The following DLG1 variants were observed in gnomAD, a reference collection of about 807,000 sequenced individuals.
DLG1 encodes discs large MAGUK scaffold protein 1.
Under a neutral mutation model 123.4 loss-of-function variants are expected in DLG1, and 42 were observed. The ratio of observed to expected loss-of-function variants is 0.34; its 90% CI spans 0.27 to 0.44. The LOEUF (loss-of-function observed/expected upper bound fraction) is 0.44. DLG1 is among the 20% of genes least tolerant of loss of function. The pLI is 1.00. For missense variants in DLG1, 942 were observed against 1,082.6 expected (o/e 0.87, Z 1.82); for synonymous variants, 317 against 356.2 (o/e 0.89, Z 1.24).
intron 4 of DLG1, among the ~76,000 whole-genome samples, chr3:197,196,904 C>A (rs543210809): frequency 6.6e-6 from 1 of 151,986 alleles, no homozygotes; most frequent in Non-Finnish European, 1.5e-5. Context: ...TTAAGCAACA[C>A]TGTATGTATG....
intron 5 of DLG1, among the ~76,000 whole-genome samples, chr3:197,180,228 A>C (rs575727022): frequency 7.7e-4 from 117 of 152,314 alleles, no homozygotes; most frequent in African/African-American, 2.7e-3. Flanking sequence ...ATAAACGTCG[A>C]TATCACTAAG....
intron 23 of DLG1, among the ~76,000 whole-genome samples, chr3:197,056,688 A>T (rs1731901991): frequency 6.6e-6 from 1 of 152,232 alleles, no homozygotes; most frequent in Admixed American, 6.5e-5. Context: ...TTTCAAACAC[A>T]GATGAGCAAT....
At chr3:197,124,909 A>C (rs1293366635) in intron 11 of DLG1, among the ~76,000 whole-genome samples, 1 of 152,146 alleles carries the variant, frequency 6.6e-6, no homozygotes, top group Non-Finnish European at 1.5e-5. Flanking sequence ...TGCTGATGGT[A>C]ATGATCCAGT....
At chr3:197,104,428 TCA>T (rs1765206234) in intron 14 of DLG1, among the ~76,000 whole-genome samples, 1 of 152,250 alleles carries the variant, frequency 6.6e-6, no homozygotes, top group Admixed American at 6.5e-5. Flanking sequence ...ACACCGGTAA[TCA>T]CAGCACTTTG....
At chr3:197,136,871 C>T (rs1560955146) in intron 9 of DLG1, among the ~76,000 whole-genome samples, 193 bp from the exon 10 acceptor site, 2 of 152,224 alleles carry the variant, frequency 1.3e-5, no homozygotes, top group African/African-American at 4.8e-5. Flanking sequence ...CCTAGAGTTA[C>T]GAATAGATTC....
rs112147815 is a variant in DLG1 at position 197,291,541 on chromosome 3, A to C, written c.151+4805T>G. Reference sequence around the variant, plus strand: ...TTCCTTCAAAGTGACAATCATTTAAAGATTACTAACCCTAAAGATTGCTAT... The same window carrying C: ...TTCCTTCAAAGTGACAATCATTTAACGATTACTAACCCTAAAGATTGCTAT... On this transcript the variant is annotated intron_variant, in intron 3 of 24. Coordinates refer to ENST00000667157, the MANE Select transcript of DLG1 (RefSeq NM_001366207.1). 4.3e-3 allele frequency among the ~76,000 whole-genome samples: 648 copies of C among 152,360 alleles called. 3 individuals are homozygous for C. The highest frequency in any genetic ancestry group is 0.015 in the African/African-American group (623 of 41,580).
chr3:197,100,711 A>C (rs1275681772), intron 14 of DLG1, among the ~76,000 whole-genome samples: 3 of 152,160 alleles, frequency 2.0e-5, no homozygotes, highest in African/African-American at 7.2e-5. Flanking sequence ...GAGTTGCCAC[A>C]AAGATTTTAA....
intron 5 of DLG1, among the ~76,000 whole-genome samples, chr3:197,173,130 G>A (rs1255737278): frequency 6.6e-6 from 1 of 152,078 alleles, no homozygotes; most frequent in African/African-American, 2.4e-5. Flanking sequence ...ATTGTTAGTT[G>A]CTGTGGTTTC....
At chr3:197,155,022 A>G (rs1795740633) in intron 5 of DLG1, among the ~76,000 whole-genome samples, 1 of 152,234 alleles carries the variant, frequency 6.6e-6, no homozygotes, top group South Asian at 2.1e-4. Context: ...AAATATTTGA[A>G]TAATAGCCAA....
rs180950951 is a variant in DLG1 at position 197,222,227 on chromosome 3, G to A, written c.319-27638C>T. The stretch of plus-strand genomic sequence containing the variant: ...TCCGTGTGACACAGTTTTAATCAAT[G>A]AAATATACGCAGACATCTACTAGCT... On this transcript the variant is annotated intron_variant, in intron 4 of 24. Transcript: ENST00000667157. Among the ~76,000 whole-genome samples the A allele has an allele frequency of 1.5e-3, 235 of 152,198 alleles. 2 individuals are homozygous for A. Among genetic ancestry groups the A allele is most frequent in the Admixed American group, 0.014 (215 of 15,282 alleles).
Position 197,195,980 on chromosome 3 carries a change from A to G in DLG1, c.319-1391T>C, listed in dbSNP as rs150259306. Among the ~76,000 whole-genome samples, 131 of 152,214 alleles carry G rather than the reference A, an allele frequency of 8.6e-4. 1 individual carries two copies. Among genetic ancestry groups the G allele is most frequent in the Middle Eastern group, 3.4e-3 (1 of 294 alleles). On this transcript the variant is annotated intron_variant, in intron 4 of 24. Coordinates refer to ENST00000667157, the MANE Select transcript of DLG1 (RefSeq NM_001366207.1). ...AGCATCAGCATTCAGAGAAATGGGC[A>G]TCCATCATCACATTCACAGTAGAGG... is the stretch of plus-strand genomic sequence containing the variant.
Position 197,116,102 on chromosome 3 carries a change from T to C in DLG1, c.1287-19A>G, listed in dbSNP as rs1171157675. 3 of 1,585,070 alleles carry C rather than the reference T, an allele frequency of 1.9e-6. No homozygotes were observed. Among genetic ancestry groups the C allele is most frequent in the Non-Finnish European group, 2.6e-6 (3 of 1,170,420 alleles). On this transcript the variant is annotated intron_variant, in intron 12 of 24. Transcript: ENST00000667157. Reference sequence around the variant, plus strand: ...AGGTTCCCTAAAAATTAAAAAAAATTGAGTATCTTGGAAATTTTATATAAA... The same window carrying C: ...AGGTTCCCTAAAAATTAAAAAAAATCGAGTATCTTGGAAATTTTATATAAA...
intron 4 of DLG1, among the ~76,000 whole-genome samples, chr3:197,262,491 C>T (rs1239057740): frequency 1.3e-5 from 2 of 152,132 alleles, no homozygotes; most frequent in Non-Finnish European, 2.9e-5. Context: ...GTAAGCCATC[C>T]TAGCAAATTA....
At position 197,051,565 on chromosome 3, in the gene DLG1, C is replaced by T; in HGVS notation, c.2575+12G>A. On this transcript the variant is annotated intron_variant, in intron 24 of 24. Coordinates refer to ENST00000667157, the MANE Select transcript of DLG1 (RefSeq NM_001366207.1). Reference sequence around the variant, plus strand: ...TCTATCTTAAAGAGGACTGTTACAACACGGTTCCAACCTGTGAAATGTTCA... The same window carrying T: ...TCTATCTTAAAGAGGACTGTTACAATACGGTTCCAACCTGTGAAATGTTCA... 6.2e-7 allele frequency: 1 copy of T among 1,609,546 alleles called. No homozygotes were observed. Among genetic ancestry groups the T allele is most frequent in the East Asian group, 2.2e-5 (1 of 44,852 alleles).
At chr3:197,261,884 T>C (rs1415598465) in intron 4 of DLG1, among the ~76,000 whole-genome samples, 1 of 152,196 alleles carries the variant, frequency 6.6e-6, no homozygotes, top group Non-Finnish European at 1.5e-5. Flanking sequence ...GATTAAATAA[T>C]ATACACAGGG....
chr3:197,253,186 C>G (rs1333838791), intron 4 of DLG1, among the ~76,000 whole-genome samples: 1 of 152,080 alleles, frequency 6.6e-6, no homozygotes, highest in Non-Finnish European at 1.5e-5. Flanking sequence ...AGGACTAGTA[C>G]ACTATAATAG....
At chr3:197,181,745 C>T (rs1222385768) in intron 5 of DLG1, among the ~76,000 whole-genome samples, 1 of 150,820 alleles carries the variant, frequency 6.6e-6, no homozygotes, top group Non-Finnish European at 1.5e-5. Flanking sequence ...CCCTAATACT[C>T]CTATTTCTAG....
At chr3:197,276,782 T>C (rs1051657844) in intron 4 of DLG1, among the ~76,000 whole-genome samples, 12 of 152,194 alleles carry the variant, frequency 7.9e-5, no homozygotes, top group African/African-American at 2.7e-4. Context: ...AAAGAAATTC[T>C]ATAAAGTCAG....
At chr3:197,098,889 A>C (rs779458528) in intron 14 of DLG1, among the ~76,000 whole-genome samples, 8 of 152,224 alleles carry the variant, frequency 5.3e-5, no homozygotes, top group Non-Finnish European at 1.2e-4. Flanking sequence ...TGTTCAAAAC[A>C]TACTTCGGCA....
Sources: allele counts gnomAD v4.1 joint callset (sites outside exome capture counted in the v4.1 genomes callset), GRCh38; gene constraint gnomAD v4.1.1; transcripts MANE v1.5; gene names NCBI Gene and HGNC (gene_info 2026-07-23, HGNC 2026-07-21).